Variants in MUC6 observed in about 807,000 individuals in gnomAD.
The protein encoded by MUC6 is mucin 6, oligomeric mucus/gel-forming (gene/pseudogene), also known as mucin-6.
In MUC6, 188 loss-of-function variants were observed where a neutral mutation model predicts 201.5. The ratio of observed to expected loss-of-function variants is 0.93; its 90% confidence interval spans 0.83 to 1.05. MUC6 has a LOEUF of 1.05. Ranked by LOEUF, MUC6 falls within the 50% of genes least tolerant of loss-of-function variation. The pLI is 0.00. For missense variants in MUC6, 2,706 were observed against 3,256.9 expected (o/e 0.83, Z 4.12); for synonymous variants, 1,228 against 1,389.4 (o/e 0.88, Z 2.58).
At chr11:1,023,240 ATG>A (rs954016691) in intron 26 of MUC6, among the ~76,000 whole-genome samples, 1 of 151,634 alleles carries the variant, frequency 6.6e-6, no homozygotes, top group Non-Finnish European at 1.5e-5. Context: ...GCGTGAATGA[ATG>A]TGTGAATGAA....
intron 26 of MUC6, 125 bp downstream of exon 26, chr11:1,023,384 G>T: frequency 8.2e-7 from 1 of 1,221,180 alleles, no homozygotes. Context: ...GCAAATTAAT[G>T]AATGTGTGAA....
intron 1 of MUC6, among the ~76,000 whole-genome samples, chr11:1,035,129 C>T (rs942369955): frequency 1.3e-5 from 2 of 152,046 alleles, no homozygotes; most frequent in Non-Finnish European, 2.9e-5. Flanking sequence ...CGGCCCAGGC[C>T]TGCAGCCCGT....
At position 1,024,043 on chromosome 11, in the gene MUC6, C is replaced by A; in HGVS notation, c.3286G>T (p.Gly1096Trp). Residue 1096 changes from glycine to tryptophan, a missense_variant, in exon 25 of 33, where the codon GGG becomes TGG. Transcript: ENST00000421673. ...VRDACGCDSG[G>W]DCECLCDAVA... ...GCATCGCACAGACACTCACAGTCCC[C>A]GCCACTGTCACACCCACATGCGTCG... is the stretch of plus-strand genomic sequence containing the variant. The A allele has an allele frequency of 6.2e-7, 1 of 1,613,082 alleles. No homozygotes were observed.
intron 26 of MUC6, among the ~76,000 whole-genome samples, chr11:1,021,663 C>T (rs1034164128): frequency 1.3e-5 from 2 of 152,058 alleles, no homozygotes; most frequent in African/African-American, 4.8e-5. Context: ...ACCCGCGCAC[C>T]TTGCTCTAAG....
Position 1,027,982 on chromosome 11 carries a change from G to C in MUC6, c.1831C>G (p.Pro611Ala), listed in dbSNP as rs1215597144. The C allele has an allele frequency of 1.3e-6, 2 of 1,579,496 alleles. No homozygotes were observed. The highest frequency in any genetic ancestry group is 2.7e-5 in the African/African-American group (2 of 74,034). ...VFERCHATVN[P>A]APFYKRCVYQ... ...GCCCTCACCTTGTAGAAGGGTGCAGGGTTCACTGTGGCGTGGCACCTCTCG... is the reference window on the plus strand; with the variant it reads ...GCCCTCACCTTGTAGAAGGGTGCAGCGTTCACTGTGGCGTGGCACCTCTCG... The change falls in exon 15 of 33, where the codon CCT (proline) becomes GCT (alanine). Residue 611 changes from proline to alanine, a missense_variant. Around this residue, in one of 10 missense-constraint regions of MUC6, gnomAD observed 1,850 missense variants for 1,958.3 expected, o/e 0.94. Transcript: ENST00000421673.
Position 1,033,237 on chromosome 11 carries a change from G to A in MUC6, c.53-162C>T, listed in dbSNP as rs578106146. On this transcript the variant is annotated intron_variant, in intron 1 of 32. Coordinates refer to ENST00000421673, the MANE Select transcript of MUC6 (RefSeq NM_005961.3). The surrounding 1 kb of genome is among the most constrained non-coding windows in gnomAD (Gnocchi z 5.6). Reference sequence around the variant, plus strand: ...TCGAGGCCTCAACAGCAAGCCAAGCGCTTGGCCTCCCATGCTGTCCTTCAC... The same window carrying A: ...TCGAGGCCTCAACAGCAAGCCAAGCACTTGGCCTCCCATGCTGTCCTTCAC... 5.7e-4 allele frequency: 376 copies of A among 656,362 alleles called. No individual in the cohort carries two copies. Among genetic ancestry groups the A allele is most frequent in the Non-Finnish European group, 8.8e-4 (321 of 366,250 alleles). The allele number at this position is 656,362 out of a possible 1,614,324, so 40.7% of individuals were successfully genotyped here.
At chr11:1,030,385 C>T in intron 7 of MUC6, 50 bp from the exon 8 acceptor site, 4 of 1,515,130 alleles carry the variant, frequency 2.6e-6, no homozygotes, top group Non-Finnish European at 3.5e-6. Flanking sequence ...CCCCACCCCT[C>T]CCTGCCCCAC....
chr11:1,024,241 T>C, intron 24 of MUC6, 138 bp from the exon 25 acceptor site: 8 of 1,066,682 alleles, frequency 7.5e-6, no homozygotes, highest in Non-Finnish European at 1.1e-5. Flanking sequence ...CGGCACCACG[T>C]GGACCTCAGC....
At position 1,033,358 on chromosome 11, in the gene MUC6, G is replaced by A. The variant is rs1267304880; in HGVS notation, c.53-283C>T. 1.9e-6 allele frequency: 1 copy of A among 536,980 alleles called. No homozygotes were observed. The allele number at this position is 536,980 out of a possible 1,614,324, so 33.3% of individuals were successfully genotyped here. A position where few individuals can be genotyped will look rare whatever the true frequency, so the allele number is the denominator to read the frequency against. On this transcript the variant is annotated intron_variant, in intron 1 of 32. Coordinates refer to ENST00000421673, the MANE Select transcript of MUC6 (RefSeq NM_005961.3). This position sits in a 1 kb window ranked among gnomAD's most constrained non-coding sequence, Gnocchi z 5.6. ...CCCCTCGGGGTTCGGCAGATGGCGG[G>A]CACCCTGTGTGCAGGGTACTCATCC...
At position 1,026,475 on chromosome 11, in the gene MUC6, G is replaced by T. The variant is rs1856963036; in HGVS notation, c.2398C>A (p.Pro800Thr). 1 of 1,585,996 alleles carries T rather than the reference G, an allele frequency of 6.3e-7. No individual in the cohort carries two copies. The highest frequency in any genetic ancestry group is 2.2e-5 in the East Asian group (1 of 44,536). Residue 800 changes from proline (P) to threonine (T), a missense_variant, in exon 20 of 33, where the codon CCC becomes ACC. Physicochemically the swap from Pro to Thr is conservative, Grantham distance 38. Transcript: ENST00000421673. ...QMLATGVACV[P>T]TKCEPGCVCA... ...ACACAGCCAGGCTCACACTTGGTGG[G>T]CACCTGGAGGGAGGCAGGTCAGCAG...
At chr11:1,021,861 C>T (rs560920526) in intron 26 of MUC6, among the ~76,000 whole-genome samples, 1 of 152,184 alleles carries the variant, frequency 6.6e-6, no homozygotes, top group South Asian at 2.1e-4. Context: ...CATCTGTCCT[C>T]TGTGTGTCCG....
In MUC6 at chr11:1,031,675, C is replaced by T. The variant is rs371477008; in HGVS notation, c.415G>A (p.Val139Met). 4.4e-5 allele frequency: 68 copies of T among 1,550,772 alleles called. No individual in the cohort carries two copies. Among genetic ancestry groups the T allele is most frequent in the African/African-American group, 8.2e-5 (6 of 73,058 alleles). Residue 139 changes from valine (V) to methionine (M), a missense_variant, in exon 4 of 33, where the codon GTG (valine) becomes ATG (methionine). By Grantham distance (21) the Val-to-Met change is conservative. Around this residue, in one of 10 missense-constraint regions of MUC6, gnomAD observed 1,850 missense variants for 1,958.3 expected, o/e 0.94. Transcript: ENST00000421673. ...GLQITPFGQS[V>M]RLVAKQLELE... is the part of the protein sequence containing the mutation. ...TCCAGCTGCTTGGCCACCAGCCGCA[C>T]GCTCTGGCCGAAGGGTGTGATCTGG...
chr11:1,029,414 G>T, intron 9 of MUC6, 48 bp from the exon 10 acceptor site: 1 of 1,595,856 alleles, frequency 6.3e-7, no homozygotes, highest in Non-Finnish European at 8.5e-7. Flanking sequence ...GGCCGCTGGA[G>T]CCAGACAGCA....
chr11:1,028,809 C>T (rs532928362), intron 12 of MUC6, 26 bp from the exon 13 acceptor site: 21 of 1,608,998 alleles, frequency 1.3e-5, no homozygotes, highest in East Asian at 1.1e-4. Flanking sequence ...CTCAGTGGGC[C>T]GTCTGGGCTC....
intron 26 of MUC6, among the ~76,000 whole-genome samples, chr11:1,023,304 A>G (rs972754997): frequency 1.3e-5 from 2 of 151,850 alleles, no homozygotes; most frequent in Admixed American, 6.6e-5. Context: ...ATGAATGAAT[A>G]TGCGTGAATG....
chr11:1,028,483 C>A, intron 13 of MUC6, 96 bp from the exon 14 acceptor site: 3 of 1,547,604 alleles, frequency 1.9e-6, no homozygotes, highest in Non-Finnish European at 2.6e-6. Context: ...TCTAACAGCA[C>A]CCTGGGTGAG....
At chr11:1,035,796 G>C (rs1045520392) in intron 1 of MUC6, among the ~76,000 whole-genome samples, 8 of 152,264 alleles carry the variant, frequency 5.3e-5, no homozygotes, top group Non-Finnish European at 8.8e-5. Context: ...CTGTGGAGGA[G>C]GGTCGGGCCA....
intron 1 of MUC6, among the ~76,000 whole-genome samples, chr11:1,035,759 C>T (rs1319568561): frequency 1.3e-5 from 2 of 152,110 alleles, no homozygotes; most frequent in Non-Finnish European, 2.9e-5. Flanking sequence ...CTCTGTCACG[C>T]CAGCGTCCAC....
chr11:1,028,680 G>A lies in MUC6; in HGVS notation c.1557C>T (p.Val519=). The stretch of plus-strand genomic sequence containing the variant: ...GACCTCTGAACTGGGGCCCAACAGT[G>A]ACATAGGCCTGGAAGATGGGGCGCA... ...VQLRPIFQAY[V]TVGPQFRGQT... is the part of the protein sequence containing the mutation. The change falls in exon 13 of 33, where the codon GTC becomes GTT. Residue 519 remains valine, a synonymous_variant. Coordinates refer to ENST00000421673, the MANE Select transcript of MUC6 (RefSeq NM_005961.3). The A allele has an allele frequency of 1.9e-6, 3 of 1,610,492 alleles. No individual in the cohort carries two copies. The highest frequency in any genetic ancestry group is 2.5e-6 in the Non-Finnish European group (3 of 1,178,936).
Sources: allele counts gnomAD v4.1 joint callset (sites outside exome capture counted in the v4.1 genomes callset), GRCh38; gene constraint gnomAD v4.1.1; regional missense constraint gnomAD v4.1.1; non-coding constraint Gnocchi (gnomAD v3.1); transcripts MANE v1.5; gene names NCBI Gene and HGNC (gene_info 2026-07-23, HGNC 2026-07-21).